The following RAPH1 variants were observed in gnomAD, a reference collection of about 807,000 sequenced individuals.
The protein encoded by RAPH1 is Ras association (RalGDS/AF-6) and pleckstrin homology domains 1.
In RAPH1, 18 loss-of-function variants were observed where a neutral mutation model predicts 88.1. That is an observed-to-expected ratio of 0.20 (90% CI 0.14 to 0.30). The LOEUF (loss-of-function observed/expected upper bound fraction) is 0.30, where lower values mean the gene tolerates loss of function less well. Among genes scored for constraint, RAPH1 ranks in the 10% least tolerant of loss-of-function variants. The pLI is 1.00. For synonymous variants in RAPH1, 587 were observed against 559.0 expected (o/e 1.05, Z -0.71); for missense variants, 1,448 against 1,543.2 (o/e 0.94, Z 1.03).
chr2:203,533,297 G>A (rs1196368957), intron 1 of RAPH1: 1 of 152,050 alleles, frequency 6.6e-6, no homozygotes, highest in African/African-American at 2.4e-5. Context: ...ATTCAAACAG[G>A]AGACAGCAAT....
At chr2:203,517,144 G>T (rs1581399596) in intron 1 of RAPH1, among the ~76,000 whole-genome samples, 2 of 152,048 alleles carry the variant, frequency 1.3e-5, no homozygotes, top group Non-Finnish European at 2.9e-5. Flanking sequence ...GACACAAATA[G>T]ATGAAAAGTA....
Position 203,441,836 on chromosome 2 carries a change from A to G in RAPH1, c.1777-423T>C, listed in dbSNP as rs960678599. ...GCTCCAGTTTACCTTTCAGTCCATG[A>G]CTGCATCCACATCAAGCAGATGCTA... On this transcript the variant is annotated intron_variant, in intron 13 of 13. Coordinates refer to ENST00000319170, the MANE Select transcript of RAPH1 (RefSeq NM_213589.3). 3.8e-6 allele frequency: 5 copies of G among 1,330,810 alleles called. No individual in the cohort carries two copies. The African/African-American group carries it at 6.1e-5, about 16-fold the overall frequency. 82.4% of individuals were successfully genotyped at this position (1,330,810 alleles called of 1,614,324 possible).
At chr2:203,481,895 C>T (rs1035574947) in intron 4 of RAPH1, among the ~76,000 whole-genome samples, 3 of 151,508 alleles carry the variant, frequency 2.0e-5, no homozygotes, top group Non-Finnish European at 4.4e-5. Flanking sequence ...AGCCACTGCA[C>T]CAGGCCACAT....
chr2:203,495,128 G>T, intron 2 of RAPH1, 106 bp downstream of exon 2: 2 of 1,221,536 alleles, frequency 1.6e-6, no homozygotes, highest in South Asian at 2.9e-5. Context: ...CTTCCTTTCT[G>T]GCAATACTTT....
intron 2 of RAPH1, among the ~76,000 whole-genome samples, chr2:203,493,971 C>CAAAAA (rs397937732): frequency 3.5e-3 from 66 of 18,958 alleles, no homozygotes; most frequent in African/African-American, 7.9e-3. Context: ...GACTCTATCT[C>CAAAAA]AAAAAAAAAA....
At chr2:203,486,001 ACAC>A (rs2105807582) in intron 4 of RAPH1, among the ~76,000 whole-genome samples, 1 of 152,010 alleles carries the variant, frequency 6.6e-6, no homozygotes, top group South Asian at 2.1e-4. Context: ...GGCTACTAAA[ACAC>A]TGGCAGCCAG....
At chr2:203,524,086 G>A (rs972068298) in intron 1 of RAPH1, among the ~76,000 whole-genome samples, 9 of 152,080 alleles carry the variant, frequency 5.9e-5, no homozygotes, top group East Asian at 1.9e-4. Flanking sequence ...AACTTGTATC[G>A]AGTAAATAAT....
chr2:203,489,053 G>A (rs1688121294), intron 4 of RAPH1, among the ~76,000 whole-genome samples: 1 of 151,954 alleles, frequency 6.6e-6, no homozygotes, highest in Admixed American at 6.6e-5. Context: ...TTGAACCTGG[G>A]AGGTGGAGGT....
rs1042874724 is a variant in RAPH1 at position 203,435,097 on chromosome 2, G to A, written c.*4340C>T. 6.6e-6 allele frequency: 1 copy of A among 152,452 alleles called. No individual in the cohort carries two copies. The highest frequency in any genetic ancestry group is 1.5e-5 in the Non-Finnish European group (1 of 68,008). 9.4% of individuals were successfully genotyped at this position (152,452 alleles called of 1,614,324 possible). On this transcript the variant is annotated 3_prime_UTR_variant, in exon 14 of 14. Transcript: ENST00000319170. ...GAGCAAACCAACTGGAGAAATGTAT[G>A]TTTTTTCTTTTTATTTATCAAGTTT...
intron 10 of RAPH1, among the ~76,000 whole-genome samples, chr2:203,453,317 GGCAGATT>G (rs756180240): frequency 3.0e-4 from 46 of 152,172 alleles, no homozygotes; most frequent in Middle Eastern, 3.4e-3. Context: ...AGCCTAGGCA[GGCAGATT>G]GCTTGAGGCC....
intron 1 of RAPH1, among the ~76,000 whole-genome samples, chr2:203,500,957 C>T (rs1688715453): frequency 6.6e-6 from 1 of 152,062 alleles, no homozygotes; most frequent in African/African-American, 2.4e-5. Flanking sequence ...AGCTTTCTCA[C>T]AAAAATGGTT....
At chr2:203,441,502 A>G (rs1488412907) in intron 13 of RAPH1, 89 bp from the exon 14 acceptor site, 10 of 1,433,444 alleles carry the variant, frequency 7.0e-6, no homozygotes, top group Non-Finnish European at 9.1e-6. Context: ...GTAAAACTAA[A>G]AAGCAGGGAG....
At chr2:203,471,154 G>A (rs2105734600) in intron 4 of RAPH1, among the ~76,000 whole-genome samples, 1 of 152,140 alleles carries the variant, frequency 6.6e-6, no homozygotes, top group South Asian at 2.1e-4. Context: ...GGCCTCTCAT[G>A]AAAAAATTCC....
rs2098511300 is a variant in RAPH1 at position 203,447,806 on chromosome 2, C to G, written c.1633+153G>C. On this transcript the variant is annotated intron_variant, in intron 12 of 13. Transcript: ENST00000319170. ...TAGCCCATGATACTGTACCCTCTAG[C>G]AATTTTTAAAAAGGCATCTATTGAT... The G allele has an allele frequency of 5.9e-6, 4 of 681,052 alleles. No individual in the cohort carries two copies. In the South Asian group the frequency reaches 9.0e-5, roughly 15 times the overall value. 42.2% of individuals were successfully genotyped at this position (681,052 alleles called of 1,614,324 possible). A position where few individuals can be genotyped will look rare whatever the true frequency, so the allele number is the denominator to read the frequency against.
At chr2:203,464,455 G>C (rs994435824) in intron 4 of RAPH1, among the ~76,000 whole-genome samples, 94 of 152,318 alleles carry the variant, frequency 6.2e-4, no homozygotes, top group African/African-American at 2.2e-3. Flanking sequence ...ATTTTTAGAA[G>C]AGACAGGGTT....
chr2:203,511,140 C>T (rs940582034), intron 1 of RAPH1, among the ~76,000 whole-genome samples: 1 of 151,954 alleles, frequency 6.6e-6, no homozygotes, highest in Non-Finnish European at 1.5e-5. Context: ...AAGAGAGAAA[C>T]CATATGGTTC....
chr2:203,444,839 T>C, intron 13 of RAPH1, 29 bp downstream of exon 13: 2 of 1,607,148 alleles, frequency 1.2e-6, no homozygotes. Flanking sequence ...CCACAGAATT[T>C]TCAATGTAAA....
intron 1 of RAPH1, among the ~76,000 whole-genome samples, chr2:203,513,666 CT>C (rs1689464275): frequency 6.7e-6 from 1 of 150,056 alleles, no homozygotes; most frequent in Non-Finnish European, 1.5e-5. Context: ...GAAACCCCGT[CT>C]CTACTAAAAA....
rs1164431210 is a variant in RAPH1 at position 203,433,970 on chromosome 2, A to AACTT, written c.*5463_*5466dup. On this transcript the variant is annotated 3_prime_UTR_variant, in exon 14 of 14. Transcript: ENST00000319170. Reference sequence around the variant, plus strand: ...AACTGGCAAGAGTAACTTGGAAAATAACTTAATCCAGCAGAACAAAAACAT... The same window carrying AACTT: ...AACTGGCAAGAGTAACTTGGAAAATAACTTACTTAATCCAGCAGAACAAAAACAT... 2 of 152,528 alleles carry AACTT rather than the reference A, an allele frequency of 1.3e-5. No individual in the cohort carries two copies. Among genetic ancestry groups the AACTT allele is most frequent in the East Asian group, 3.9e-4 (2 of 5,174 alleles). 9.4% of individuals were successfully genotyped at this position (152,528 alleles called of 1,614,324 possible).
Sources: allele counts gnomAD v4.1 joint callset (sites outside exome capture counted in the v4.1 genomes callset), GRCh38; gene constraint gnomAD v4.1.1; transcripts MANE v1.5; gene names NCBI Gene and HGNC (gene_info 2026-07-23, HGNC 2026-07-21).